The following SORCS3 variants were observed in gnomAD, a reference collection of about 807,000 sequenced individuals.
The protein encoded by SORCS3 is VPS10 domain-containing receptor SorCS3.
Under a neutral mutation model 146.3 loss-of-function variants are expected in SORCS3, and 57 were observed. The ratio of observed to expected loss-of-function variants is 0.39; its 90% CI spans 0.31 to 0.49. The LOEUF is 0.49. SORCS3 is among the 20% of genes least tolerant of loss of function. The pLI is 0.92. For synonymous variants in SORCS3, 653 were observed against 618.5 expected (o/e 1.06, Z -0.83); for missense variants, 1,341 against 1,575.5 (o/e 0.85, Z 2.52).
rs148568519 is a variant in SORCS3, at chr10:105,255,905, G to A, written c.3337+104G>A. 8,449 of 934,162 alleles carry A rather than the reference G, an allele frequency of 9.0e-3. 60 individuals are homozygous for A. The highest frequency in any genetic ancestry group is 0.027 in the Middle Eastern group (104 of 3,854). 57.9% of individuals were successfully genotyped at this position (934,162 alleles called of 1,614,324 possible). A position where few individuals can be genotyped will look rare whatever the true frequency, so the allele number is the denominator to read the frequency against. ...CCCTGCTGCATAATGTCTGAAAGTG[G>A]CTTTGTAGAAGGGTCCTTTTTGTAG... On this transcript the variant is annotated intron_variant, in intron 24 of 26. Coordinates refer to ENST00000369701, the MANE Select transcript of SORCS3 (RefSeq NM_014978.3).
intron 3 of SORCS3, among the ~76,000 whole-genome samples, chr10:104,968,696 T>G (rs1486145922): frequency 6.6e-6 from 1 of 152,208 alleles, no homozygotes; most frequent in African/African-American, 2.4e-5. Flanking sequence ...TCATGATATC[T>G]AAACAGCCAT....
intron 3 of SORCS3, among the ~76,000 whole-genome samples, chr10:104,952,255 G>GAAAAAAAAAA (rs55880149): frequency 2.5e-5 from 1 of 40,622 alleles, no homozygotes; most frequent in Non-Finnish European, 4.3e-5. Context: ...ATGAATGTTT[G>GAAAAAAAAAA]AAAAAAAAAA....
intron 2 of SORCS3, among the ~76,000 whole-genome samples, chr10:104,852,822 A>C (rs577677447): frequency 6.6e-6 from 1 of 152,342 alleles, no homozygotes; most frequent in African/African-American, 2.4e-5. Context: ...GCACTTACTA[A>C]TGAGCTTACA....
intron 1 of SORCS3, among the ~76,000 whole-genome samples, chr10:104,698,981 C>T (rs936510262): frequency 8.5e-5 from 13 of 152,114 alleles, no homozygotes; most frequent in African/African-American, 2.4e-4. Context: ...GATTCTATCA[C>T]ACTATAAGCT....
chr10:105,089,812 C>T lies in SORCS3; in HGVS notation c.1066C>T (p.His356Tyr). Residue 356 changes from histidine (H) to tyrosine (Y), a missense_variant, in exon 6 of 27, where the codon CAC becomes TAC. By Grantham distance (83) the His-to-Tyr change is moderately conservative. Coordinates refer to ENST00000369701, the MANE Select transcript of SORCS3 (RefSeq NM_014978.3). ...AGLDKEADLV[H>Y]MEVRTTDGYA... ...ATTGGATAAGGAGGCGGACCTGGTG[C>T]ACATGGAGGTGCGGACCACGGATGG... The T allele has an allele frequency of 1.2e-6, 2 of 1,614,092 alleles. No homozygotes were observed. Among genetic ancestry groups the T allele is most frequent in the South Asian group, 1.1e-5 (1 of 91,078 alleles).
At chr10:104,721,358 C>A (rs1374511624) in intron 1 of SORCS3, among the ~76,000 whole-genome samples, 1 of 152,140 alleles carries the variant, frequency 6.6e-6, no homozygotes, top group African/African-American at 2.4e-5. Context: ...GTACCAGTAC[C>A]ATGCTGTTTT....
intron 11 of SORCS3, among the ~76,000 whole-genome samples, chr10:105,161,537 T>C (rs1198089974): frequency 6.6e-6 from 1 of 152,082 alleles, no homozygotes; most frequent in African/African-American, 2.4e-5. Flanking sequence ...GGGATTCATC[T>C]CTTAACTCCT....
At chr10:104,860,584 G>A (rs74589968) in intron 2 of SORCS3, among the ~76,000 whole-genome samples, 18,094 of 151,768 alleles carry the variant, frequency 0.12, 1,977 homozygotes, top group African/African-American at 0.29. Flanking sequence ...ATAAAAAACA[G>A]AAAAGAAAAA....
chr10:104,960,306 A>G (rs959480292), intron 3 of SORCS3, among the ~76,000 whole-genome samples: 9 of 152,116 alleles, frequency 5.9e-5, no homozygotes, highest in Admixed American at 5.2e-4. Flanking sequence ...AATCCTCCCC[A>G]GATATCTAGG....
At chr10:104,646,325 G>C (rs1012923930) in intron 1 of SORCS3, among the ~76,000 whole-genome samples, 1 of 152,232 alleles carries the variant, frequency 6.6e-6, no homozygotes, top group Non-Finnish European at 1.5e-5. Flanking sequence ...TTGCTTTGTA[G>C]CTGGCAAAGA....
chr10:104,717,609 G>A (rs753282945), intron 1 of SORCS3, among the ~76,000 whole-genome samples: 16 of 152,144 alleles, frequency 1.1e-4, no homozygotes, highest in Non-Finnish European at 1.8e-4. Flanking sequence ...GAAAACCCTG[G>A]GGCAGTGACA....
chr10:104,730,777 C>T (rs1051135995), intron 1 of SORCS3, among the ~76,000 whole-genome samples: 8 of 152,170 alleles, frequency 5.3e-5, no homozygotes, highest in Admixed American at 2.6e-4. Context: ...GAGAGCCAAG[C>T]GAAGGGGGAA....
chr10:104,770,276 G>A (rs367928450), intron 1 of SORCS3, among the ~76,000 whole-genome samples: 27 of 152,160 alleles, frequency 1.8e-4, no homozygotes, highest in Non-Finnish European at 3.7e-4. Flanking sequence ...AAGGTTTTGG[G>A]AAACCTCATA....
intron 1 of SORCS3, among the ~76,000 whole-genome samples, chr10:104,790,633 T>G (rs2133499696): frequency 6.6e-6 from 1 of 152,356 alleles, no homozygotes; most frequent in Non-Finnish European, 1.5e-5. Context: ...TGATGATTAT[T>G]TGTGTCCATG....
At chr10:104,946,634 C>G (rs1054658742) in intron 3 of SORCS3, among the ~76,000 whole-genome samples, 5 of 152,166 alleles carry the variant, frequency 3.3e-5, no homozygotes, top group African/African-American at 1.2e-4. Flanking sequence ...TGGTTTCAAA[C>G]AAAACCAGAA....
chr10:104,667,456 T>C (rs2133254241), intron 1 of SORCS3, among the ~76,000 whole-genome samples: 1 of 152,258 alleles, frequency 6.6e-6, no homozygotes, highest in East Asian at 1.9e-4. Context: ...AGAAAACTGT[T>C]CCCCTGTTTT....
intron 7 of SORCS3, among the ~76,000 whole-genome samples, chr10:105,114,212 C>T (rs975599989): frequency 6.6e-6 from 1 of 152,020 alleles, no homozygotes; most frequent in African/African-American, 2.4e-5. Context: ...CTCTTCATGG[C>T]ACAGAGGGTG....
chr10:104,903,308 T>A (rs1186154561), intron 2 of SORCS3, among the ~76,000 whole-genome samples: 2 of 152,172 alleles, frequency 1.3e-5, no homozygotes, highest in Non-Finnish European at 2.9e-5. Context: ...GAGAAATTAA[T>A]TACAGAGTCT....
intron 5 of SORCS3, among the ~76,000 whole-genome samples, chr10:105,081,557 G>C (rs1161278392): frequency 1.3e-5 from 2 of 152,194 alleles, no homozygotes; most frequent in Non-Finnish European, 2.9e-5. Context: ...AGAAGTTCCT[G>C]TCTGACCTAT....
Sources: allele counts gnomAD v4.1 joint callset (sites outside exome capture counted in the v4.1 genomes callset), GRCh38; gene constraint gnomAD v4.1.1; transcripts MANE v1.5; gene names NCBI Gene and HGNC (gene_info 2026-07-23, HGNC 2026-07-21).